The following EIF3I variants were observed in gnomAD, a reference collection of about 807,000 sequenced individuals.
EIF3I encodes the protein eukaryotic translation initiation factor 3 subunit I.
Under a neutral mutation model 43.3 loss-of-function variants are expected in EIF3I, and 20 were observed. That is an observed-to-expected ratio of 0.46 (90% CI 0.32 to 0.67). The LOEUF is 0.67. Ranked by LOEUF, EIF3I falls within the 30% of genes least tolerant of loss-of-function variation. The pLI is 0.03. For missense variants in EIF3I, 279 were observed against 421.4 expected (o/e 0.66, Z 2.96); for synonymous variants, 167 against 151.7 (o/e 1.10, Z -0.74).
At chr1:32,222,589 A>C in exon 2 of EIF3I, 4 of 1,614,174 alleles carry the variant, frequency 2.5e-6, no homozygotes, top group Non-Finnish European at 3.4e-6. Flanking sequence ...GATTAAGTAT[A>C]ACCGCGAAGG....
chr1:32,225,657 C>A (rs1338987685), intron 4 of EIF3I, among the ~76,000 whole-genome samples: 2 of 149,734 alleles, frequency 1.3e-5, no homozygotes, highest in Non-Finnish European at 3.0e-5. Flanking sequence ...AGAAGAATCG[C>A]TTGAAAGGTT....
chr1:32,222,654 CG>C lies in EIF3I; in HGVS notation c.96+27del, dbSNP rs780925879. The C allele has an allele frequency of 1.9e-6, 3 of 1,584,662 alleles. No individual in the cohort carries two copies. In the South Asian group the frequency reaches 3.3e-5, roughly 18 times the overall value. On this transcript the variant is annotated intron_variant, in intron 2 of 11. Transcript: ENST00000676679. ...CTGTGAGTGTTGGCTGGAGGGGGTC[CG>C]GGAGGGGCGGGATCCTTCTGCCAGG...
At chr1:32,224,383 T>C (rs370985174) in intron 3 of EIF3I, 27 bp from the exon 4 acceptor site, 89 of 1,606,258 alleles carry the variant, frequency 5.5e-5, no homozygotes, top group Non-Finnish European at 6.9e-5. Context: ...CGGGTGAACT[T>C]CGTCATATTT....
chr1:32,222,473 T>TG (rs751077260), intron 1 of EIF3I, 29 bp downstream of exon 1: 21 of 1,610,170 alleles, frequency 1.3e-5, no homozygotes, highest in Non-Finnish European at 1.8e-5. Flanking sequence ...GGTATTGCAG[T>TG]GGGGGTCCTG....
chr1:32,228,558 A>G (rs919074161), exon 7 of EIF3I: 4 of 1,614,178 alleles, frequency 2.5e-6, no homozygotes, highest in Non-Finnish European at 3.4e-6. Flanking sequence ...ACATCCAGTT[A>G]TCCAGGGACA....
intron 4 of EIF3I, among the ~76,000 whole-genome samples, chr1:32,225,844 A>G (rs1178712374): frequency 6.6e-6 from 1 of 151,860 alleles, no homozygotes; most frequent in Non-Finnish European, 1.5e-5. Context: ...ACACGGTGAA[A>G]TCCCGTCTCT....
At chr1:32,231,076 G>C (rs760320688) in intron 11 of EIF3I, 39 bp from the exon 11 acceptor site, 3 of 1,613,940 alleles carry the variant, frequency 1.9e-6, no homozygotes, top group East Asian at 2.2e-5. Context: ...GCCTTTCCCA[G>C]AGTAAGCACC....
At chr1:32,224,577 G>C in intron 4 of EIF3I, 102 bp downstream of exon 4, 1 of 812,130 alleles carries the variant, frequency 1.2e-6, no homozygotes, top group South Asian at 1.6e-5. Flanking sequence ...TCCATAGATA[G>C]TTTCCAGTCT....
chr1:32,226,288 G>C, exon 5 of EIF3I: 1 of 1,614,184 alleles, frequency 6.2e-7, no homozygotes, highest in Non-Finnish European at 8.5e-7. Context: ...TGCTTTGTGA[G>C]CTTTTTTGAC....
intron 8 of EIF3I, 85 bp from the exon 9 acceptor site, chr1:32,229,050 A>G: frequency 1.4e-6 from 2 of 1,405,442 alleles, no homozygotes; most frequent in Non-Finnish European, 9.9e-7. Context: ...GCCGTGTGAG[A>G]TGTTAAAAAT....
Position 32,226,326 on chromosome 1 carries a change from G to A in EIF3I, c.400+6G>A. On this transcript the variant is annotated splice_donor_region_variant and intron_variant, in intron 5 of 11. Transcript: ENST00000676679. ...GCGGGATCCGAGCCAGATTGGTGAG[G>A]GCTGGGAATAGGGCTGGGGTTGAGG... 1 of 1,614,130 alleles carries A rather than the reference G, an allele frequency of 6.2e-7. No individual in the cohort carries two copies. Among genetic ancestry groups the A allele is most frequent in the Non-Finnish European group, 8.5e-7 (1 of 1,180,012 alleles).
Position 32,228,480 on chromosome 1 carries a change from A to T in EIF3I, c.529-19A>T. 6.2e-7 allele frequency: 1 copy of T among 1,607,464 alleles called. No individual in the cohort carries two copies. Among genetic ancestry groups the T allele is most frequent in the Non-Finnish European group, 8.5e-7 (1 of 1,174,206 alleles). ...GTAGGGATTGGGCCCATTCAGTGTC[A>T]CTCTTCTTCCTTCCCTAGTCTGGAG... On this transcript the variant is annotated intron_variant, in intron 6 of 11. Transcript: ENST00000676679.
chr1:32,226,751 G>A (rs1639153028), intron 6 of EIF3I, among the ~76,000 whole-genome samples: 1 of 147,474 alleles, frequency 6.8e-6, no homozygotes, highest in African/African-American at 2.5e-5. Flanking sequence ...TGTATTTTTA[G>A]TAGAGACAGG....
intron 10 of EIF3I, 70 bp from the exon 10 acceptor site, chr1:32,230,856 TG>T: frequency 9.3e-7 from 1 of 1,080,616 alleles, no homozygotes; most frequent in Non-Finnish European, 1.4e-6. Context: ...AATTTGCATT[TG>T]GGGAGTGCCA....
At chr1:32,227,359 C>G (rs1639164441) in intron 6 of EIF3I, among the ~76,000 whole-genome samples, 1 of 150,330 alleles carries the variant, frequency 6.7e-6, no homozygotes, top group Non-Finnish European at 1.5e-5. Context: ...TCACCACTTT[C>G]TAGCTGTGTG....
chr1:32,224,079 T>G, exon 3 of EIF3I: 2 of 1,614,174 alleles, frequency 1.2e-6, no homozygotes, highest in Non-Finnish European at 1.7e-6. Context: ...GCTGGGCACC[T>G]ACATGGGCCA....
chr1:32,228,535 C>T (rs879007490), exon 7 of EIF3I: 2 of 1,614,126 alleles, frequency 1.2e-6, no homozygotes, highest in Non-Finnish European at 1.7e-6. Context: ...GGAGCACTCC[C>T]GGCAGATCAA....
downstream of EIF3I, among the ~76,000 whole-genome samples, chr1:32,233,519 G>C (rs1342937379): frequency 6.6e-6 from 1 of 151,770 alleles, no homozygotes; most frequent in African/African-American, 2.4e-5. Flanking sequence ...TCAAACTCCT[G>C]ATCTCAGGTG....
chr1:32,222,717 G>A, intron 2 of EIF3I, 87 bp downstream of exon 2: 1 of 1,345,706 alleles, frequency 7.4e-7, no homozygotes, highest in South Asian at 1.2e-5. Context: ...CGTTAGCGGG[G>A]AACCAAAGAG....
Sources: allele counts gnomAD v4.1 joint callset (sites outside exome capture counted in the v4.1 genomes callset), GRCh38; gene constraint gnomAD v4.1.1; transcripts MANE v1.5; gene names NCBI Gene and HGNC (gene_info 2026-07-23, HGNC 2026-07-21).